Variants in RGL1 observed in about 807,000 individuals in gnomAD.
RGL1 encodes ral guanine nucleotide dissociation stimulator like 1, also known as ral guanine nucleotide dissociation stimulator-like 1.
RGL1 carries 24 observed loss-of-function variants against 95.2 expected under a neutral mutation model. The observed-to-expected ratio is 0.25, with a 90% CI of 0.18 to 0.35. The LOEUF is 0.35. Among genes scored for constraint, RGL1 ranks in the 10% least tolerant of loss-of-function variants. RGL1 has a pLI of 1.00. For synonymous variants in RGL1, 329 were observed against 344.9 expected (o/e 0.95, Z 0.51); for missense variants, 715 against 936.3 (o/e 0.76, Z 3.08).
intron 1 of RGL1, among the ~76,000 whole-genome samples, chr1:183,702,318 C>G (rs1654647821): frequency 6.6e-6 from 1 of 152,188 alleles, no homozygotes; most frequent in Non-Finnish European, 1.5e-5. Context: ...CAGGACAACA[C>G]TGCCACTGCA....
At chr1:183,922,437 G>A (rs1262674603) in intron 17 of RGL1, 101 bp downstream of exon 17, 3 of 837,738 alleles carry the variant, frequency 3.6e-6, no homozygotes, top group Non-Finnish European at 5.9e-6. Flanking sequence ...GATACGTATT[G>A]TTTTATTGGG....
chr1:183,690,772 G>A (rs1350505108), intron 1 of RGL1, among the ~76,000 whole-genome samples: 6 of 151,778 alleles, frequency 4.0e-5, no homozygotes, highest in African/African-American at 1.5e-4. Flanking sequence ...TCATGTAAAA[G>A]TATGCCCATT....
chr1:183,653,684 GGT>G (rs761502083), intron 1 of RGL1, among the ~76,000 whole-genome samples: 2 of 152,106 alleles, frequency 1.3e-5, no homozygotes, highest in Non-Finnish European at 2.9e-5. Flanking sequence ...CCCTGAAGGG[GGT>G]GTTTTTGATT....
chr1:183,802,855 C>CT (rs368174756), upstream of RGL1, among the ~76,000 whole-genome samples: 445 of 152,296 alleles, frequency 2.9e-3, 1 homozygote, highest in African/African-American at 0.01. Flanking sequence ...TCTCAGGACT[C>CT]TGTTAGGTCA....
At chr1:183,833,014 G>T (rs1012535668) in intron 2 of RGL1, among the ~76,000 whole-genome samples, 3 of 152,068 alleles carry the variant, frequency 2.0e-5, no homozygotes, top group Non-Finnish European at 2.9e-5. Context: ...TCATAATACC[G>T]TCCCTTTTTG....
intron 2 of RGL1, among the ~76,000 whole-genome samples, chr1:183,745,744 C>T (rs1272881214): frequency 6.6e-6 from 1 of 151,986 alleles, no homozygotes; most frequent in Non-Finnish European, 1.5e-5. Flanking sequence ...TTTTTGGAAA[C>T]TGCATTTTCC....
At chr1:183,751,323 C>T (rs996819357) in intron 2 of RGL1, among the ~76,000 whole-genome samples, 3 of 152,212 alleles carry the variant, frequency 2.0e-5, no homozygotes, top group Non-Finnish European at 4.4e-5. Flanking sequence ...GCGGTGGTTT[C>T]CACCCAGTCC....
At chr1:183,862,508 G>T (rs1253550236) in intron 3 of RGL1, among the ~76,000 whole-genome samples, 1 of 152,104 alleles carries the variant, frequency 6.6e-6, no homozygotes, top group East Asian at 1.9e-4. Context: ...CTTTTGTTTT[G>T]CATTTTAATA....
At chr1:183,794,056 A>ACACG (rs1491159531) in intron 2 of RGL1, among the ~76,000 whole-genome samples, 1 of 8,384 alleles carries the variant, frequency 1.2e-4, no homozygotes, top group South Asian at 1.9e-3. Flanking sequence ...GAAAATGTGG[A>ACACG]CACACACACA....
At chr1:183,844,765 A>G (rs1399760187) in intron 2 of RGL1, among the ~76,000 whole-genome samples, 2 of 152,232 alleles carry the variant, frequency 1.3e-5, no homozygotes, top group African/African-American at 4.8e-5. Flanking sequence ...AAGAACAGCT[A>G]TTAGACCCTG....
intron 15 of RGL1, 98 bp from the exon 16 acceptor site, chr1:183,916,349 A>G: frequency 7.2e-7 from 1 of 1,387,120 alleles, no homozygotes; most frequent in Non-Finnish European, 1.0e-6. Flanking sequence ...AAATAACTGC[A>G]GTCTATCAGT....
intron 1 of RGL1, among the ~76,000 whole-genome samples, chr1:183,659,729 A>G (rs1188190591): frequency 1.3e-5 from 2 of 151,676 alleles, no homozygotes; most frequent in Non-Finnish European, 2.9e-5. Flanking sequence ...ACTCCTCGAG[A>G]AGAGCAACTC....
intron 1 of RGL1, among the ~76,000 whole-genome samples, chr1:183,640,357 T>C (rs79546878): frequency 0.069 from 10,435 of 152,234 alleles, 624 homozygotes; most frequent in African/African-American, 0.16. Context: ...AAATGTCTTT[T>C]ATCTCGTCCA....
At chr1:183,822,181 G>A (rs1172027585) in intron 2 of RGL1, among the ~76,000 whole-genome samples, 1 of 151,878 alleles carries the variant, frequency 6.6e-6, no homozygotes, top group Non-Finnish European at 1.5e-5. Flanking sequence ...CTTTTGGGCT[G>A]ACCCATTTTT....
chr1:183,646,322 T>G (rs1650287928), intron 1 of RGL1: 1 of 152,206 alleles, frequency 6.6e-6, no homozygotes, highest in Admixed American at 6.5e-5. Flanking sequence ...CAATACTAAT[T>G]GCTATTCCTA....
chr1:183,710,564 AC>A (rs1372947845), intron 1 of RGL1, among the ~76,000 whole-genome samples: 2 of 152,206 alleles, frequency 1.3e-5, no homozygotes, highest in Non-Finnish European at 2.9e-5. Flanking sequence ...TGATTCATAA[AC>A]AAAAGAGGTT....
chr1:183,854,011 T>C (rs1024166617), intron 3 of RGL1, among the ~76,000 whole-genome samples: 1 of 152,228 alleles, frequency 6.6e-6, no homozygotes, highest in African/African-American at 2.4e-5. Context: ...ATGTGTACTA[T>C]GTACTGTACA....
intron 4 of RGL1, among the ~76,000 whole-genome samples, chr1:183,875,493 G>A (rs1361169665): frequency 6.6e-6 from 1 of 152,150 alleles, no homozygotes; most frequent in Non-Finnish European, 1.5e-5. Flanking sequence ...TAGAAGTTCT[G>A]AACCATTTTC....
chr1:183,843,664 A>G (rs1400705803), intron 2 of RGL1, among the ~76,000 whole-genome samples: 1 of 152,238 alleles, frequency 6.6e-6, no homozygotes, highest in African/African-American at 2.4e-5. Context: ...TGTAAGTAAA[A>G]TAAGAATCGT....
Sources: allele counts gnomAD v4.1 joint callset (sites outside exome capture counted in the v4.1 genomes callset), GRCh38; gene constraint gnomAD v4.1.1; transcripts MANE v1.5; gene names NCBI Gene and HGNC (gene_info 2026-07-23, HGNC 2026-07-21).